Variants in ETV5 observed in about 807,000 individuals in gnomAD.
ETV5 encodes ETS variant transcription factor 5, also known as ETS translocation variant 5.
A neutral mutation model predicts 70.0 loss-of-function variants in ETV5; 10 were observed. The observed-to-expected ratio is 0.14, with a 90% confidence interval of 0.09 to 0.24. The LOEUF (loss-of-function observed/expected upper bound fraction) is 0.24, where lower values mean the gene tolerates loss of function less well. Among genes scored for constraint, ETV5 ranks in the 10% least tolerant of loss-of-function variants. The probability of loss-of-function intolerance (pLI) is 1.00; values close to 1 mark genes in which losing one functional copy is unlikely to be tolerated. For missense variants in ETV5, 453 were observed against 651.2 expected (o/e 0.70, Z 3.31); for synonymous variants, 216 against 242.2 (o/e 0.89, Z 1.01).
chr3:186,080,307 CT>C (rs1363617684), intron 6 of ETV5, among the ~76,000 whole-genome samples: 1 of 151,658 alleles, frequency 6.6e-6, no homozygotes, highest in Non-Finnish European at 1.5e-5. Context: ...TTGTTTAACA[CT>C]TCTAGTGATT....
intron 5 of ETV5, among the ~76,000 whole-genome samples, chr3:186,085,791 T>C (rs1714044171): frequency 6.6e-6 from 1 of 152,182 alleles, no homozygotes; most frequent in Non-Finnish European, 1.5e-5. Context: ...ATTACAGGCG[T>C]GAGCCACCGT....
Position 186,079,836 on chromosome 3 carries a change from G to C in ETV5, c.631C>G (p.Gln211Glu), listed in dbSNP as rs199751532. Residue 211 changes from glutamine to glutamate, a missense_variant, in exon 7 of 13, where the codon CAG becomes GAG. Coordinates refer to ENST00000306376, the MANE Select transcript of ETV5 (RefSeq NM_004454.3). ...LQMPKMMPEN[Q>E]YPSEQRFQRQ... ...ACCCACCTCTGTTCTGATGGATACT[G>C]GTTTTCAGGCATCATCTTTGGCATC... 68 of 1,608,634 alleles carry C rather than the reference G, an allele frequency of 4.2e-5. No individual in the cohort carries two copies. The highest frequency in any genetic ancestry group is 5.3e-5 in the Non-Finnish European group (63 of 1,177,710).
intron 7 of ETV5, among the ~76,000 whole-genome samples, 190 bp from the exon 8 acceptor site, chr3:186,066,262 C>CAAAAAAAAAAAAAA (rs10681607): frequency 6.3e-5 from 6 of 94,868 alleles, no homozygotes; most frequent in African/African-American, 8.2e-5. Flanking sequence ...CAGGAAGTGG[C>CAAAAAAAAAAAAAA]AAAAAAAAAA....
At chr3:186,103,657 A>T (rs984998930) in intron 5 of ETV5, among the ~76,000 whole-genome samples, 3 of 141,576 alleles carry the variant, frequency 2.1e-5, no homozygotes, top group East Asian at 3.1e-4. Flanking sequence ...ACACACACAC[A>T]CACACACACA....
At chr3:186,108,424 TG>T in intron 1 of ETV5, 1 of 998,500 alleles carries the variant, frequency 1.0e-6, no homozygotes, top group Non-Finnish European at 1.4e-6. Context: ...CGTAAGTTCC[TG>T]GTCGACCCCC....
At chr3:186,097,806 C>T (rs1306588158) in intron 5 of ETV5, among the ~76,000 whole-genome samples, 1 of 152,232 alleles carries the variant, frequency 6.6e-6, no homozygotes, top group Non-Finnish European at 1.5e-5. Context: ...GCTCTCCAAG[C>T]TGCCAATCAC....
intron 5 of ETV5, among the ~76,000 whole-genome samples, chr3:186,086,697 T>C (rs572512579): frequency 6.6e-6 from 1 of 152,078 alleles, no homozygotes; most frequent in East Asian, 1.9e-4. Context: ...GGCTCATGCC[T>C]GTAATCCCAG....
rs1009405398 is a variant in ETV5 at position 186,057,993 on chromosome 3, A to G, written c.971-502T>C. Among the ~76,000 whole-genome samples the G allele has an allele frequency of 1.3e-5, 2 of 152,238 alleles. No individual in the cohort carries two copies. Among genetic ancestry groups the G allele is most frequent in the African/African-American group, 4.8e-5 (2 of 41,460 alleles). On this transcript the variant is annotated intron_variant, in intron 9 of 12. Transcript: ENST00000306376. The surrounding 1 kb of genome is among the most constrained non-coding windows in gnomAD (Gnocchi z 4.9). Reference sequence around the variant, plus strand: ...GCTTGAAGGGTAAAGAATGTTGCCAAAATGAATAAAGACTTGGGCCTGTAG... The same window carrying G: ...GCTTGAAGGGTAAAGAATGTTGCCAGAATGAATAAAGACTTGGGCCTGTAG...
intron 1 of ETV5, chr3:186,108,307 C>A: frequency 2.2e-6 from 1 of 450,060 alleles, no homozygotes; most frequent in Non-Finnish European, 4.4e-6. Context: ...TGTTCCGGTG[C>A]GCCCCGATTT....
At chr3:186,088,156 A>C (rs138866816) in intron 5 of ETV5, among the ~76,000 whole-genome samples, 28 of 152,202 alleles carry the variant, frequency 1.8e-4, no homozygotes, top group South Asian at 4.1e-4. Flanking sequence ...GCCCAGACTC[A>C]TCTTTCCCAA....
At chr3:186,065,790 G>C in intron 8 of ETV5, 23 bp downstream of exon 8, 1 of 1,613,632 alleles carries the variant, frequency 6.2e-7, no homozygotes, top group Non-Finnish European at 8.5e-7. Flanking sequence ...ATGAAGCAAA[G>C]AATAGCACAA....
At chr3:186,072,218 A>G (rs1246159523) in intron 7 of ETV5, among the ~76,000 whole-genome samples, 1 of 151,896 alleles carries the variant, frequency 6.6e-6, no homozygotes, top group Non-Finnish European at 1.5e-5. Context: ...TGTCTCTATT[A>G]AAAACACAAA....
Position 186,057,385 on chromosome 3 carries a change from C to T in ETV5, c.1039+38G>A. On this transcript the variant is annotated intron_variant, in intron 10 of 12. Coordinates refer to ENST00000306376, the MANE Select transcript of ETV5 (RefSeq NM_004454.3). The surrounding 1 kb of genome is among the most constrained non-coding windows in gnomAD (Gnocchi z 4.9). The stretch of plus-strand genomic sequence containing the variant: ...GCTGAGGTGTTCTGACACCTCCAAA[C>T]CTCTACCTGGCAACAAACCTTGGAT... The T allele has an allele frequency of 6.2e-7, 1 of 1,611,618 alleles. No individual in the cohort carries two copies. Among genetic ancestry groups the T allele is most frequent in the South Asian group, 1.1e-5 (1 of 91,026 alleles).
intron 5 of ETV5, among the ~76,000 whole-genome samples, chr3:186,101,280 T>C (rs1714451370): frequency 6.6e-6 from 1 of 152,090 alleles, no homozygotes; most frequent in African/African-American, 2.4e-5. Flanking sequence ...ATGGCAGTTT[T>C]CTTTTGTTTT....
intron 5 of ETV5, among the ~76,000 whole-genome samples, chr3:186,104,355 C>T (rs754430836): frequency 1.2e-4 from 18 of 152,146 alleles, no homozygotes; most frequent in Non-Finnish European, 2.4e-4. Flanking sequence ...TTTTGAGCTT[C>T]CCACTGCATT....
intron 5 of ETV5, among the ~76,000 whole-genome samples, chr3:186,097,010 G>A (rs903141713): frequency 2.0e-5 from 3 of 152,108 alleles, no homozygotes; most frequent in African/African-American, 2.4e-5. Context: ...CAGCACACCC[G>A]CTTGGCCAAT....
chr3:186,048,679 C>T lies in ETV5; in HGVS notation c.1493G>A (p.Arg498His), dbSNP rs550066362. The stretch of plus-strand genomic sequence containing the variant: ...TTCGGCATAGGGGAGGCTGCTGCAG[C>T]GGTCCATGTCCAGGAGGTAAGCGGG... ...DSPAYLLDMD[R>H]CSSLPYAEGF... The change falls in exon 13 of 13, where the codon CGC (arginine) becomes CAC (histidine). Residue 498 changes from arginine to histidine, a missense_variant. By Grantham distance (29) the Arg-to-His change is conservative. Transcript: ENST00000306376. 85 of 1,614,064 alleles carry T rather than the reference C, an allele frequency of 5.3e-5. No individual in the cohort carries two copies. Among genetic ancestry groups the T allele is most frequent in the East Asian group, 1.3e-4 (6 of 44,894 alleles).
chr3:186,069,014 A>G (rs1267019785), intron 7 of ETV5, among the ~76,000 whole-genome samples: 1 of 152,226 alleles, frequency 6.6e-6, no homozygotes, highest in Non-Finnish European at 1.5e-5. Flanking sequence ...TTAATAAAAT[A>G]GTTTGAATTT....
chr3:186,097,590 A>T (rs1361452267), intron 5 of ETV5, among the ~76,000 whole-genome samples: 2 of 152,188 alleles, frequency 1.3e-5, no homozygotes, highest in African/African-American at 4.8e-5. Context: ...CCCTTTAGAC[A>T]GCTACAGTCT....
Sources: allele counts gnomAD v4.1 joint callset (sites outside exome capture counted in the v4.1 genomes callset), GRCh38; gene constraint gnomAD v4.1.1; non-coding constraint Gnocchi (gnomAD v3.1); transcripts MANE v1.5; gene names NCBI Gene and HGNC (gene_info 2026-07-23, HGNC 2026-07-21).